The following SRBD1 variants were observed in gnomAD, a reference collection of about 807,000 sequenced individuals.
SRBD1 encodes S1 RNA-binding domain-containing protein 1.
A neutral mutation model predicts 115.3 loss-of-function variants in SRBD1; 88 were observed. That is an observed-to-expected ratio of 0.76 (90% confidence interval 0.64 to 0.91). The LOEUF (loss-of-function observed/expected upper bound fraction) is 0.91, where lower values mean the gene tolerates loss of function less well. SRBD1 is among the 40% of genes least tolerant of loss of function. SRBD1 has a pLI of 0.00. For missense variants in SRBD1, 1,385 were observed against 1,177.4 expected (o/e 1.18, Z -2.58); for synonymous variants, 509 against 407.7 (o/e 1.25, Z -2.99).
At chr2:45,422,189 T>C (rs540416297) in intron 16 of SRBD1, among the ~76,000 whole-genome samples, 1 of 152,316 alleles carries the variant, frequency 6.6e-6, no homozygotes, top group South Asian at 2.1e-4. Flanking sequence ...GTTGATACAG[T>C]ACTTCCTAGC....
intron 14 of SRBD1, among the ~76,000 whole-genome samples, chr2:45,541,946 C>A (rs1469250939): frequency 6.6e-6 from 1 of 152,238 alleles, no homozygotes. Context: ...CCACAGACTC[C>A]ACCCAGAACT....
chr2:45,389,511 G>A lies in SRBD1; in HGVS notation c.2787C>T (p.Ala929=). ...TATCCACAAAAATTCCAAAGAGAGT[G>A]GCATTCTCAACTTTGCCTGTAAGAA... ...GTVLTGKVEN[A]TLFGIFVDIG... Residue 929 remains alanine (A), a synonymous_variant, in exon 21 of 21, where the codon GCC becomes GCT. Coordinates refer to ENST00000263736, the MANE Select transcript of SRBD1 (RefSeq NM_018079.5). 1.2e-6 allele frequency: 2 copies of A among 1,614,052 alleles called. No individual in the cohort carries two copies.
At chr2:45,555,062 C>T (rs1672429929) in intron 10 of SRBD1, among the ~76,000 whole-genome samples, 1 of 151,864 alleles carries the variant, frequency 6.6e-6, no homozygotes, top group Middle Eastern at 3.4e-3. Context: ...CCACAAATTT[C>T]CAGCTCCTTT....
At chr2:45,565,901 T>C (rs914841929) in intron 9 of SRBD1, among the ~76,000 whole-genome samples, 2 of 152,232 alleles carry the variant, frequency 1.3e-5, no homozygotes, top group Admixed American at 6.5e-5. Context: ...GCTTGGATTA[T>C]AGGCGTGAGC....
rs113207448 is a variant in SRBD1, at chr2:45,605,419, G to A, written c.23C>T (p.Ala8Val). The change falls in exon 2 of 21, where the codon GCG (alanine) becomes GTG (valine). Residue 8 changes from alanine (A) to valine (V), a missense_variant. Physicochemically the swap from Ala to Val is moderately conservative, Grantham distance 64. Transcript: ENST00000263736. MSSLPRRAKVQVQDVVLK... is the reference protein window; with the variant it reads MSSLPRRVKVQVQDVVLK... ...TACCACATCCTGGACCTGTACTTTC[G>A]CTCTTCTTGGCAATGATGACATCTA... 1.7e-4 allele frequency: 270 copies of A among 1,613,444 alleles called. No individual in the cohort carries two copies. Among genetic ancestry groups the A allele is most frequent in the African/African-American group, 6.9e-4 (52 of 74,986 alleles).
At chr2:45,403,988 G>C (rs1326569982) in intron 19 of SRBD1, among the ~76,000 whole-genome samples, 2 of 152,108 alleles carry the variant, frequency 1.3e-5, no homozygotes, top group Non-Finnish European at 2.9e-5. Context: ...AAAATGAATA[G>C]AGGTGATTTA....
Position 45,602,067 on chromosome 2 carries a change from C to G in SRBD1, c.97G>C (p.Glu33Gln). ...SFSELSSASE[E>Q]DDKEDSAWEP... ...CAGGCACTATCTTCCTTGTCATCTTCTTCAGAGGCAGATGATCTAGAAGTA... is the reference window on the plus strand; with the variant it reads ...CAGGCACTATCTTCCTTGTCATCTTGTTCAGAGGCAGATGATCTAGAAGTA... Residue 33 changes from glutamate to glutamine, a missense_variant, in exon 3 of 21, where the codon GAA (glutamate) becomes CAA (glutamine). Physicochemically the swap from Glu to Gln is conservative, Grantham distance 29 (BLOSUM62 2). Coordinates refer to ENST00000263736, the MANE Select transcript of SRBD1 (RefSeq NM_018079.5). 1 of 1,613,514 alleles carries G rather than the reference C, an allele frequency of 6.2e-7. No homozygotes were observed. Among genetic ancestry groups the G allele is most frequent in the South Asian group, 1.1e-5 (1 of 90,960 alleles).
intron 14 of SRBD1, among the ~76,000 whole-genome samples, chr2:45,530,998 C>T (rs530485166): frequency 6.7e-6 from 1 of 148,530 alleles, no homozygotes; most frequent in South Asian, 2.1e-4. Flanking sequence ...TTCTTCATCA[C>T]AGAATCAATT....
At position 45,560,706 on chromosome 2, in the gene SRBD1, C is replaced by G. The variant is rs74454282; in HGVS notation, c.1409+1947G>C. Among the ~76,000 whole-genome samples the G allele has an allele frequency of 3.7e-3, 559 of 152,216 alleles. 10 individuals are homozygous for G. Among genetic ancestry groups the G allele is most frequent in the African/African-American group, 0.013 (532 of 41,548 alleles). Reference sequence around the variant, plus strand: ...AGAGTTTTGTCATATCTTAAATTATCTAATTTCCTAATTTTTTAAATCTAG... The same window carrying G: ...AGAGTTTTGTCATATCTTAAATTATGTAATTTCCTAATTTTTTAAATCTAG... On this transcript the variant is annotated intron_variant, in intron 10 of 20. Transcript: ENST00000263736.
chr2:45,534,280 A>C (rs1001029129), intron 14 of SRBD1, among the ~76,000 whole-genome samples: 2 of 152,034 alleles, frequency 1.3e-5, no homozygotes, highest in Non-Finnish European at 2.9e-5. Flanking sequence ...CCTTTCAACA[A>C]AATGAACATA....
intron 14 of SRBD1, among the ~76,000 whole-genome samples, chr2:45,542,727 A>G (rs572476722): frequency 3.3e-5 from 5 of 152,390 alleles, no homozygotes; most frequent in South Asian, 2.1e-4. Flanking sequence ...ATGACAGCAT[A>G]TATCCATACA....
At chr2:45,488,003 T>C (rs368818890) in intron 15 of SRBD1, among the ~76,000 whole-genome samples, 3 of 152,196 alleles carry the variant, frequency 2.0e-5, no homozygotes, top group African/African-American at 7.2e-5. Flanking sequence ...AAAGACTTTG[T>C]GGGTTAGCTT....
At chr2:45,479,805 A>G (rs925218107) in intron 15 of SRBD1, among the ~76,000 whole-genome samples, 1 of 152,232 alleles carries the variant, frequency 6.6e-6, no homozygotes, top group African/African-American at 2.4e-5. Context: ...AGAAGATGCT[A>G]TTTAGGACTT....
chr2:45,457,645 G>T (rs988575519), intron 16 of SRBD1, among the ~76,000 whole-genome samples: 2 of 151,950 alleles, frequency 1.3e-5, no homozygotes, highest in South Asian at 4.2e-4. Flanking sequence ...TTCTCACGGC[G>T]TATGTTAAAA....
chr2:45,551,058 A>T, intron 12 of SRBD1, 67 bp downstream of exon 12: 1 of 1,516,116 alleles, frequency 6.6e-7, no homozygotes, highest in South Asian at 1.3e-5. Flanking sequence ...AATCCTCATG[A>T]AATGTATGAA....
intron 10 of SRBD1, among the ~76,000 whole-genome samples, chr2:45,560,616 A>G (rs1442677387): frequency 6.6e-6 from 1 of 152,240 alleles, no homozygotes; most frequent in African/African-American, 2.4e-5. Flanking sequence ...GGTAGAAAGT[A>G]ATATAACTGG....
chr2:45,551,032 A>G (rs1237791528), intron 12 of SRBD1, 93 bp downstream of exon 12: 3 of 1,441,900 alleles, frequency 2.1e-6, no homozygotes, highest in Non-Finnish European at 2.8e-6. Context: ...AGCCTTTAAA[A>G]TTAACATTAT....
At chr2:45,529,712 G>A (rs1401646891) in intron 14 of SRBD1, among the ~76,000 whole-genome samples, 1 of 151,958 alleles carries the variant, frequency 6.6e-6, no homozygotes, top group Non-Finnish European at 1.5e-5. Context: ...GAGAAGAGAA[G>A]AAAGAAAATA....
chr2:45,489,082 A>G (rs932413420), intron 14 of SRBD1, among the ~76,000 whole-genome samples: 1 of 152,176 alleles, frequency 6.6e-6, no homozygotes, highest in Non-Finnish European at 1.5e-5. Flanking sequence ...ACTGTCTTAC[A>G]GCTGACATTT....
Sources: gnomAD v4.1 joint callset for allele counts (sites outside exome capture counted in the v4.1 genomes callset) on GRCh38, gnomAD v4.1.1 for gene constraint, MANE v1.5 for transcripts, NCBI Gene and HGNC (gene_info 2026-07-23, HGNC 2026-07-21) for gene names.